RNF213: variants seen among roughly 807,000 people sequenced by gnomAD.
The protein encoded by RNF213 is E3 ubiquitin-protein ligase RNF213.
In RNF213, 341 loss-of-function variants were observed where a neutral mutation model predicts 514.4. That is an observed-to-expected ratio of 0.66 (90% confidence interval 0.61 to 0.73). The LOEUF is 0.73. Ranked by LOEUF, RNF213 falls within the 30% of genes least tolerant of loss-of-function variation. The pLI is 0.00. For missense variants in RNF213, 5,767 were observed against 6,615.6 expected, an observed-to-expected ratio of 0.87 and a Z score of 4.45; for synonymous variants, 2,655 against 2,658.2, an observed-to-expected ratio of 1.00 and a Z score of 0.04.
chr17:80,353,294 G>A lies in RNF213; in HGVS notation c.10424-218G>A, dbSNP rs770230709. The A allele has an allele frequency of 1.1e-4, 84 of 773,230 alleles. No homozygotes were observed. The highest frequency in any genetic ancestry group is 1.6e-4 in the Non-Finnish European group (75 of 470,036). 47.9% of individuals were successfully genotyped at this position (773,230 alleles called of 1,614,324 possible). On this transcript the variant is annotated intron_variant, in intron 33 of 67. Coordinates refer to ENST00000582970, the MANE Select transcript of RNF213 (RefSeq NM_001256071.3). This position sits in a 1 kb window ranked among gnomAD's most constrained non-coding sequence, Gnocchi z 5.0. Reference sequence around the variant, plus strand: ...CTGTGAGCAGGCCAGCCATGGAAGTGAGCACCTAGAACACGCCAGAGCCCA... The same window carrying A: ...CTGTGAGCAGGCCAGCCATGGAAGTAAGCACCTAGAACACGCCAGAGCCCA...
intron 23 of RNF213, chr17:80,337,021 C>T (rs13342364): frequency 0.082 from 13,522 of 164,386 alleles, 1,043 homozygotes; most frequent in African/African-American, 0.21. Context: ...GACGGCTGCT[C>T]TGCATGTGGG....
At chr17:80,355,394 TGAATG>T (rs1568122008) in intron 36 of RNF213, 4 of 258,496 alleles carry the variant, frequency 1.5e-5, no homozygotes, top group African/African-American at 1.0e-4. Context: ...AGAAGCGGGG[TGAATG>T]GGAATGGGGG....
intron 28 of RNF213, 92 bp from the exon 29 acceptor site, chr17:80,344,586 C>T: frequency 7.3e-7 from 1 of 1,368,800 alleles, no homozygotes; most frequent in Non-Finnish European, 1.0e-6. Context: ...CATAAAGGTC[C>T]ATCCAATATA....
In RNF213 at chr17:80,345,760, G is replaced by C. The variant is rs769984642; in HGVS notation, c.7425G>C (p.Lys2475Asn). 2 of 1,614,210 alleles carry C rather than the reference G, an allele frequency of 1.2e-6. 1 individual carries two copies. Among genetic ancestry groups the C allele is most frequent in the South Asian group, 2.2e-5 (2 of 91,084 alleles). The change falls in exon 29 of 68, where the codon AAG (lysine) becomes AAC (asparagine). Residue 2475 changes from lysine to asparagine, a missense_variant. Lys to Asn is a moderately conservative substitution (Grantham distance 94, BLOSUM62 0). This residue lies in a region of RNF213 where 1,377 missense variants were observed against 1,635.2 expected (regional missense o/e 0.84). Transcript: ENST00000582970. The surrounding 1 kb of genome is among the most constrained non-coding windows in gnomAD (Gnocchi z 6.0). Reference protein sequence around the residue: ...REAENVAFANKDQHQLDTILF... With the variant: ...REAENVAFANNDQHQLDTILF... ...CTGAAAATGTGGCCTTCGCCAATAAGGACCAACATCAGTTGGACACCATCT... is the reference window on the plus strand; with the variant it reads ...CTGAAAATGTGGCCTTCGCCAATAACGACCAACATCAGTTGGACACCATCT...
rs898866187 is a variant in RNF213, at chr17:80,287,903, C to A, written c.350C>A (p.Pro117His). Residue 117 changes from proline to histidine, a missense_variant, in exon 4 of 68, where the codon CCC becomes CAC. By Grantham distance (77) the Pro-to-His change is moderately conservative. Transcript: ENST00000582970. ...TCCTTGCCCCTTTCTCCTGCCAGCC[C>A]CTGTCACCTGACTTTGCTTTCAAAC... ...LASLPLSPAS[P>H]CHLTLLSNPW... 25 of 1,577,584 alleles carry A rather than the reference C, an allele frequency of 1.6e-5. No individual in the cohort carries two copies. The African/African-American group carries it at 1.9e-4, about 12-fold the overall frequency.
intron 29 of RNF213, among the ~76,000 whole-genome samples, 187 bp from the exon 30 acceptor site, chr17:80,349,583 T>C (rs2078430544): frequency 6.6e-6 from 1 of 152,222 alleles, no homozygotes. Flanking sequence ...CCTTTGGCCC[T>C]GTAGGGCCTC....
chr17:80,354,221 A>G (rs2078644906), intron 35 of RNF213, 55 bp downstream of exon 35: 11 of 1,591,168 alleles, frequency 6.9e-6, no homozygotes, highest in African/African-American at 1.3e-5. Flanking sequence ...CTTCCTGAGG[A>G]GTGGGCATCA....
intron 36 of RNF213, among the ~76,000 whole-genome samples, chr17:80,356,792 T>G (rs1341123852): frequency 1.3e-5 from 2 of 152,270 alleles, no homozygotes; most frequent in East Asian, 3.8e-4. Flanking sequence ...GGATGCTTTA[T>G]TTTCCCAATA....
intron 2 of RNF213, among the ~76,000 whole-genome samples, chr17:80,272,870 CAGG>C: frequency 6.6e-6 from 1 of 152,252 alleles, no homozygotes; most frequent in South Asian, 2.1e-4. Flanking sequence ...CTGGGGAAGA[CAGG>C]AGGAATGTCT....
intron 3 of RNF213, among the ~76,000 whole-genome samples, chr17:80,276,922 T>C (rs1398127136): frequency 6.6e-6 from 1 of 151,658 alleles, no homozygotes; most frequent in Non-Finnish European, 1.5e-5. Flanking sequence ...CTGGGCGTGG[T>C]GGCGTATGCC....
intron 37 of RNF213, among the ~76,000 whole-genome samples, chr17:80,358,686 G>C (rs750763313): frequency 6.6e-6 from 1 of 152,138 alleles, no homozygotes; most frequent in Non-Finnish European, 1.5e-5. Context: ...CGAGGCAGGT[G>C]GATCATGAGG....
Position 80,298,445 on chromosome 17 carries a change from A to C in RNF213, c.2137A>C (p.Arg713=). The change falls in exon 11 of 68, where the codon AGA becomes CGA. Residue 713 remains arginine, a synonymous_variant. Transcript: ENST00000582970. The part of the protein sequence containing the change: ...ELAPRHKDAW[R]QPEDTWAALE... ...GGCCCCGCGGCACAAGGATGCCTGG[A>C]GACAGCCTGAGGACACCTGGGCCGC... 6.2e-7 allele frequency: 1 copy of C among 1,614,170 alleles called. No homozygotes were observed. Among genetic ancestry groups the C allele is most frequent in the Non-Finnish European group, 8.5e-7 (1 of 1,180,040 alleles).
At chr17:80,328,021 C>A (rs1463757381) in intron 19 of RNF213, 32 bp downstream of exon 19, 1 of 1,534,614 alleles carries the variant, frequency 6.5e-7, no homozygotes, top group African/African-American at 1.4e-5. Context: ...ACTTCAGGCT[C>A]CTGAGGCATT....
chr17:80,288,268 C>T lies in RNF213; in HGVS notation c.715C>T (p.Gln239Ter). The T allele has an allele frequency of 1.2e-6, 2 of 1,613,270 alleles. No individual in the cohort carries two copies. The highest frequency in any genetic ancestry group is 1.7e-6 in the Non-Finnish European group (2 of 1,180,030). ...EGHSRTEDAA[Q>*]ELLLPESKGG... Reference sequence around the variant, plus strand: ...CCATTCTAGGACTGAAGATGCTGCCCAGGAGCTCCTGTTGCCTGAGTCAAA... The same window carrying T: ...CCATTCTAGGACTGAAGATGCTGCCTAGGAGCTCCTGTTGCCTGAGTCAAA... The change falls in exon 4 of 68, where the codon CAG becomes TAG. Residue 239 changes from glutamine (Q) to a stop codon, truncating the protein, a stop_gained. Coordinates refer to ENST00000582970, the MANE Select transcript of RNF213 (RefSeq NM_001256071.3). LOFTEE classifies it high-confidence loss of function. The surrounding 1 kb of genome is among the most constrained non-coding windows in gnomAD (Gnocchi z 4.9).
chr17:80,270,545 G>A (rs1262394346), intron 2 of RNF213, among the ~76,000 whole-genome samples: 1 of 152,168 alleles, frequency 6.6e-6, no homozygotes, highest in African/African-American at 2.4e-5. Context: ...TTGTCAATCT[G>A]TGCCGGTCGT....
intron 20 of RNF213, among the ~76,000 whole-genome samples, chr17:80,329,535 A>G (rs1241525969): frequency 6.6e-6 from 1 of 152,258 alleles, no homozygotes; most frequent in South Asian, 2.1e-4. Flanking sequence ...GCCTGGATCT[A>G]TGTTCCATCG....
intron 2 of RNF213, among the ~76,000 whole-genome samples, chr17:80,266,429 GA>G (rs1054432531): frequency 1.4e-4 from 18 of 125,874 alleles, no homozygotes; most frequent in Middle Eastern, 3.6e-3. Flanking sequence ...AAAAGAAAAG[GA>G]AAAAAAAAGC....
chr17:80,290,468 T>TGCACGTGTGTGTGC lies in RNF213; in HGVS notation c.1113-88_1113-75dup, dbSNP rs1433630969. 369 of 1,380,574 alleles carry TGCACGTGTGTGTGC rather than the reference T, an allele frequency of 2.7e-4. 1 individual carries two copies. Among genetic ancestry groups the TGCACGTGTGTGTGC allele is most frequent in the Non-Finnish European group, 1.9e-4 (189 of 975,192 alleles). The allele number at this position is 1,380,574 out of a possible 1,614,324, so 85.5% of individuals were successfully genotyped here. A position where few individuals can be genotyped will look rare whatever the true frequency, so the allele number is the denominator to read the frequency against. The stretch of plus-strand genomic sequence containing the variant: ...GTGTGTGTGCGAGTGCATGTGTGTG[T>TGCACGTGTGTGTGC]GCACGTGTGTGTGCGCACGTGTGTG... On this transcript the variant is annotated intron_variant, in intron 6 of 67. Coordinates refer to ENST00000582970, the MANE Select transcript of RNF213 (RefSeq NM_001256071.3).
intron 29 of RNF213, among the ~76,000 whole-genome samples, chr17:80,348,595 G>A (rs1457491398): frequency 1.3e-5 from 2 of 152,390 alleles, no homozygotes; most frequent in Non-Finnish European, 2.9e-5. Flanking sequence ...TGTAGCCCTT[G>A]TCCTTTGTTA....
Sources: gnomAD v4.1 joint callset for allele counts (sites outside exome capture counted in the v4.1 genomes callset) on GRCh38, gnomAD v4.1.1 for gene constraint, gnomAD v4.1.1 regional missense constraint, Gnocchi (gnomAD v3.1) non-coding constraint, MANE v1.5 for transcripts, NCBI Gene and HGNC (gene_info 2026-07-23, HGNC 2026-07-21) for gene names.